GRIP1: variants seen among roughly 807,000 people sequenced by gnomAD.
GRIP1 encodes the protein glutamate receptor-interacting protein 1.
Under a neutral mutation model 129.9 loss-of-function variants are expected in GRIP1, and 45 were observed. The ratio of observed to expected loss-of-function variants is 0.35; its 90% CI spans 0.27 to 0.44. GRIP1 has a LOEUF of 0.44. GRIP1 is among the 20% of genes least tolerant of loss of function. GRIP1 has a pLI of 1.00. For synonymous variants in GRIP1, 530 were observed against 520.8 expected (o/e 1.02, Z -0.24); for missense variants, 1,196 against 1,396.8 (o/e 0.86, Z 2.29).
At chr12:67,041,770 C>CAA (rs199828117) in intron 1 of GRIP1, among the ~76,000 whole-genome samples, 3 of 128,524 alleles carry the variant, frequency 2.3e-5, no homozygotes, top group South Asian at 2.8e-4. Flanking sequence ...AGCCACAGGA[C>CAA]AAAAAAAAAA....
intron 1 of GRIP1, among the ~76,000 whole-genome samples, chr12:66,855,905 T>C (rs987734226): frequency 1.3e-5 from 2 of 152,000 alleles, no homozygotes; most frequent in African/African-American, 4.8e-5. Flanking sequence ...CTCTGACATA[T>C]AAAAGTTTTG....
chr12:66,566,857 T>C (rs1378406669), intron 2 of GRIP1, among the ~76,000 whole-genome samples: 3 of 152,224 alleles, frequency 2.0e-5, no homozygotes, highest in Non-Finnish European at 4.4e-5. Flanking sequence ...TAGTTTAGTC[T>C]TGGGAGGGTG....
intron 2 of GRIP1, among the ~76,000 whole-genome samples, chr12:66,543,354 A>C (rs759082850): frequency 6.6e-6 from 1 of 152,216 alleles, no homozygotes; most frequent in Non-Finnish European, 1.5e-5. Flanking sequence ...GTAGAAGCCA[A>C]GGAGGAGTCT....
chr12:66,512,592 T>C lies in GRIP1; in HGVS notation c.724+3027A>G, dbSNP rs1013885534. Among the ~76,000 whole-genome samples, 4 of 119,744 alleles carry C rather than the reference T, an allele frequency of 3.3e-5. 1 individual carries two copies. Among genetic ancestry groups the C allele is most frequent in the Non-Finnish European group, 7.2e-5 (4 of 55,382 alleles). The allele number at this position is 119,744 out of a possible 152,430, so 78.6% of individuals were successfully genotyped here. A position where few individuals can be genotyped will look rare whatever the true frequency, so the allele number is the denominator to read the frequency against. On this transcript the variant is annotated intron_variant, in intron 7 of 24. Transcript: ENST00000359742. ...AAAAACAGATGACTAATGCCTTTAA[T>C]ATATAAATAGTTAATACAAGCCAAT...
intron 1 of GRIP1, among the ~76,000 whole-genome samples, chr12:66,867,920 ATTTG>A (rs2040233026): frequency 6.6e-6 from 1 of 152,172 alleles, no homozygotes; most frequent in Non-Finnish European, 1.5e-5. Flanking sequence ...GCAGAAAAGT[ATTTG>A]TTTGGTATTA....
chr12:66,593,460 T>C (rs2063918821), intron 2 of GRIP1, among the ~76,000 whole-genome samples: 1 of 152,222 alleles, frequency 6.6e-6, no homozygotes, highest in Non-Finnish European at 1.5e-5. Context: ...ATGTTTAAAG[T>C]TACTCTGTAT....
chr12:66,947,223 T>C (rs1313833354), intron 1 of GRIP1, among the ~76,000 whole-genome samples: 1 of 152,172 alleles, frequency 6.6e-6, no homozygotes, highest in Admixed American at 6.5e-5. Context: ...TACTTTCACC[T>C]GTCCCCTTTC....
intron 1 of GRIP1, among the ~76,000 whole-genome samples, chr12:66,862,409 G>A (rs995537970): frequency 6.6e-6 from 1 of 152,056 alleles, no homozygotes; most frequent in South Asian, 2.1e-4. Context: ...ACTTCTTGGA[G>A]GCCAGTTTCA....
At chr12:66,842,479 G>C (rs755233694) in intron 1 of GRIP1, among the ~76,000 whole-genome samples, 8 of 152,100 alleles carry the variant, frequency 5.3e-5, no homozygotes, top group Non-Finnish European at 1.2e-4. Flanking sequence ...TTTCCTTTGG[G>C]TGTTGTTATG....
chr12:66,384,800 G>A (rs1314514704), intron 19 of GRIP1, among the ~76,000 whole-genome samples: 1 of 152,138 alleles, frequency 6.6e-6, no homozygotes, highest in Admixed American at 6.5e-5. Flanking sequence ...TGACACCATG[G>A]GAAAAATAAA....
At chr12:66,670,239 T>C (rs927622590) in intron 1 of GRIP1, among the ~76,000 whole-genome samples, 7 of 152,170 alleles carry the variant, frequency 4.6e-5, no homozygotes, top group African/African-American at 1.7e-4. Context: ...TCAACTATTT[T>C]CTCCATATAA....
intron 1 of GRIP1, among the ~76,000 whole-genome samples, chr12:66,711,859 T>C (rs924114622): frequency 1.3e-5 from 2 of 151,970 alleles, no homozygotes; most frequent in African/African-American, 4.8e-5. Flanking sequence ...GTGAACACTA[T>C]GGGTCATAGA....
At chr12:66,742,881 A>G (rs1164503477) in intron 1 of GRIP1, among the ~76,000 whole-genome samples, 2 of 152,192 alleles carry the variant, frequency 1.3e-5, no homozygotes, top group East Asian at 3.8e-4. Context: ...TAGCAAAAGT[A>G]GGAGGAAAAA....
At chr12:67,008,150 T>C (rs1171658797) in intron 1 of GRIP1, among the ~76,000 whole-genome samples, 1 of 152,190 alleles carries the variant, frequency 6.6e-6, no homozygotes, top group Non-Finnish European at 1.5e-5. Context: ...CCCACTCTAT[T>C]CATTGAAAAG....
At chr12:66,930,273 C>T (rs1433929079) in intron 1 of GRIP1, among the ~76,000 whole-genome samples, 1 of 116,124 alleles carries the variant, frequency 8.6e-6, no homozygotes, top group East Asian at 2.7e-4. Flanking sequence ...CACCCCACAA[C>T]AGTCCCCAGA....
At chr12:66,380,878 G>A (rs60721828) in intron 19 of GRIP1, among the ~76,000 whole-genome samples, 2,373 of 152,202 alleles carry the variant, frequency 0.016, 64 homozygotes, top group African/African-American at 0.053. Flanking sequence ...TTGGAATATG[G>A]TATGTGTTTC....
chr12:66,560,759 G>C (rs908538947), intron 2 of GRIP1, among the ~76,000 whole-genome samples: 1 of 152,068 alleles, frequency 6.6e-6, no homozygotes, highest in East Asian at 1.9e-4. Flanking sequence ...GCAGTTTGGC[G>C]GTTCCTCACA....
intron 1 of GRIP1, among the ~76,000 whole-genome samples, chr12:66,932,174 T>G (rs2041407415): frequency 6.6e-6 from 1 of 151,734 alleles, no homozygotes; most frequent in Non-Finnish European, 1.5e-5. Context: ...GGCCACAAAT[T>G]TGAAAAAGGT....
chr12:66,626,629 C>T (rs1258684025), intron 1 of GRIP1: 1 of 152,350 alleles, frequency 6.6e-6, no homozygotes, highest in African/African-American at 2.4e-5. Flanking sequence ...TTTCTCTTGG[C>T]TTCTCTTTCT....
Sources: allele counts gnomAD v4.1 joint callset (sites outside exome capture counted in the v4.1 genomes callset), GRCh38; gene constraint gnomAD v4.1.1; transcripts MANE v1.5; gene names NCBI Gene and HGNC (gene_info 2026-07-23, HGNC 2026-07-21).